Variants in LARGE1 observed in about 807,000 individuals in gnomAD.
LARGE1 encodes the protein xylosyl- and glucuronyltransferase LARGE1.
A neutral mutation model predicts 87.6 loss-of-function variants in LARGE1; 43 were observed. That is an observed-to-expected ratio of 0.49 (90% CI 0.38 to 0.63). The LOEUF (loss-of-function observed/expected upper bound fraction) is 0.63. Ranked by LOEUF, LARGE1 falls within the 30% of genes least tolerant of loss-of-function variation. The pLI is 0.00. For synonymous variants in LARGE1, 434 were observed against 394.6 expected (o/e 1.10, Z -1.18); for missense variants, 802 against 1,000.2 (o/e 0.80, Z 2.67).
At chr22:33,643,252 C>T (rs1173430961) in intron 3 of LARGE1, among the ~76,000 whole-genome samples, 1 of 152,178 alleles carries the variant, frequency 6.6e-6, no homozygotes, top group Non-Finnish European at 1.5e-5. Flanking sequence ...TCACTCAAAA[C>T]TGCACAACTA....
chr22:33,862,051 G>C (rs1333984454), intron 1 of LARGE1, among the ~76,000 whole-genome samples: 1 of 151,744 alleles, frequency 6.6e-6, no homozygotes, highest in Non-Finnish European at 1.5e-5. Context: ...AGTAGACAGA[G>C]GGTCTCACCA....
rs190243103 is a variant in LARGE1 at position 33,244,066 on chromosome 22, G to A, written c.1730+60163C>T. 1.1e-3 allele frequency among the ~76,000 whole-genome samples: 169 copies of A among 152,184 alleles called. 1 individual carries two copies. The highest frequency in any genetic ancestry group is 3.9e-3 in the African/African-American group (164 of 41,540). On this transcript the variant is annotated intron_variant, in intron 11 of 11. Coordinates refer to the LARGE1 transcript ENST00000608642. ...TGCAGTGGCGCGATCTCGGCTCACT[G>A]TAAGCTCCGCCTCCTGGGTTCATGC...
chr22:33,701,560 G>A (rs938095102), intron 2 of LARGE1, among the ~76,000 whole-genome samples: 1 of 152,180 alleles, frequency 6.6e-6, no homozygotes, highest in Non-Finnish European at 1.5e-5. Flanking sequence ...TCAGCTCTAG[G>A]TTGAGGCCCC....
chr22:33,683,082 C>T (rs67464748), intron 2 of LARGE1, among the ~76,000 whole-genome samples: 78,379 of 152,140 alleles, frequency 0.52, 21,103 homozygotes, highest in African/African-American at 0.67. Flanking sequence ...ATAAGATATA[C>T]GATGCAATCT....
At chr22:33,309,449 G>A (rs1249727521) in intron 11 of LARGE1, among the ~76,000 whole-genome samples, 1 of 152,132 alleles carries the variant, frequency 6.6e-6, no homozygotes, top group Non-Finnish European at 1.5e-5. Flanking sequence ...TTACAGGTAT[G>A]AGCCACCACA....
rs16992036 is a variant in LARGE1 at position 33,274,220 on chromosome 22, C to T, written c.*207G>A. The T allele has an allele frequency of 0.03, 19,159 of 632,362 alleles. 384 individuals are homozygous for T. Among genetic ancestry groups the T allele is most frequent in the African/African-American group, 0.049 (2,694 of 55,076 alleles). The allele number at this position is 632,362 out of a possible 1,614,324, so 39.2% of individuals were successfully genotyped here. Reference sequence around the variant, plus strand: ...TCTAGGTGGGCTGCATAGCTAACCTCTGGGAATGCAGGGTTGTGGGGCAGA... The same window carrying T: ...TCTAGGTGGGCTGCATAGCTAACCTTTGGGAATGCAGGGTTGTGGGGCAGA... On this transcript the variant is annotated 3_prime_UTR_variant, in exon 15 of 15. Transcript: ENST00000397394.
At chr22:33,451,059 G>A (rs1167785581) in intron 6 of LARGE1, among the ~76,000 whole-genome samples, 1 of 152,162 alleles carries the variant, frequency 6.6e-6, no homozygotes, top group Non-Finnish European at 1.5e-5. Flanking sequence ...CCTCTTCGGA[G>A]AGAATTCTCC....
At chr22:33,376,437 T>C (rs1428182533) in intron 9 of LARGE1, among the ~76,000 whole-genome samples, 3 of 152,200 alleles carry the variant, frequency 2.0e-5, no homozygotes, top group African/African-American at 7.2e-5. Context: ...TTTTAAGAAA[T>C]AAGTCTCGTG....
chr22:33,814,409 G>C (rs906925994), intron 1 of LARGE1, among the ~76,000 whole-genome samples: 1 of 152,158 alleles, frequency 6.6e-6, no homozygotes. Context: ...TTTCAACTTG[G>C]CTAGGCTATG....
At chr22:33,675,991 G>GAAAA (rs2081565586) in intron 2 of LARGE1, among the ~76,000 whole-genome samples, 1 of 137,198 alleles carries the variant, frequency 7.3e-6, no homozygotes, top group South Asian at 2.3e-4. Flanking sequence ...CTCTTATAAA[G>GAAAA]CCTGGAGGTT....
chr22:33,309,980 C>G (rs1423542247), intron 11 of LARGE1, among the ~76,000 whole-genome samples: 1 of 152,174 alleles, frequency 6.6e-6, no homozygotes, highest in Non-Finnish European at 1.5e-5. Context: ...AAACATCGCT[C>G]TGCCTGTTAC....
At chr22:33,546,864 G>A (rs527759924) in intron 6 of LARGE1, among the ~76,000 whole-genome samples, 3 of 152,248 alleles carry the variant, frequency 2.0e-5, no homozygotes, top group South Asian at 2.1e-4. Flanking sequence ...GATTACAGGC[G>A]TGAACCACCG....
Position 33,381,916 on chromosome 22 carries a change from T to C in LARGE1, c.1131+3A>G. On this transcript the variant is annotated splice_donor_region_variant and intron_variant, in intron 9 of 14. Transcript: ENST00000397394. ...TCCAGGGATGTCCCTGTGTTGACCC[T>C]ACCTTTAGATCAGACACGTCTCTGT... 1 of 1,614,010 alleles carries C rather than the reference T, an allele frequency of 6.2e-7. No homozygotes were observed. Among genetic ancestry groups the C allele is most frequent in the Non-Finnish European group, 8.5e-7 (1 of 1,179,972 alleles).
intron 6 of LARGE1, among the ~76,000 whole-genome samples, chr22:33,547,997 CA>C (rs1011717435): frequency 2.6e-5 from 4 of 152,000 alleles, no homozygotes; most frequent in Admixed American, 2.6e-4. Flanking sequence ...AACCCTACCC[CA>C]CCCCCCAACT....
chr22:33,331,184 T>G (rs1162262364), intron 10 of LARGE1, among the ~76,000 whole-genome samples: 1 of 152,102 alleles, frequency 6.6e-6, no homozygotes, highest in Admixed American at 6.5e-5. Context: ...TAAAACCCCA[T>G]GGCAATGGTG....
At chr22:33,262,902 GTTCT>G (rs1166216954) in intron 11 of LARGE1, among the ~76,000 whole-genome samples, 1 of 129,744 alleles carries the variant, frequency 7.7e-6, no homozygotes, top group African/African-American at 2.9e-5. Context: ...CTCCCCTTCC[GTTCT>G]TTCTTTCTTG....
chr22:33,271,222 G>A (rs979746005), downstream of LARGE1, among the ~76,000 whole-genome samples: 1 of 152,184 alleles, frequency 6.6e-6, no homozygotes, highest in Non-Finnish European at 1.5e-5. Context: ...GTCTGTCACT[G>A]TTTCATATCT....
At chr22:33,639,543 G>T (rs2080366901) in intron 3 of LARGE1, among the ~76,000 whole-genome samples, 1 of 152,126 alleles carries the variant, frequency 6.6e-6, no homozygotes, top group South Asian at 2.1e-4. Flanking sequence ...CAATTGCACT[G>T]GGAAGAACAT....
rs16992165 is a variant in LARGE1, at chr22:33,337,085, A to G, written c.1287+561T>C. On this transcript the variant is annotated intron_variant, in intron 10 of 14. Coordinates refer to ENST00000397394, the MANE Select transcript of LARGE1 (RefSeq NM_133642.5). ...AAAAAAAAAAAAAAAGTGGGTTTCT[A>G]TGAACATCAAATGAGATACAGCATA... Among the ~76,000 whole-genome samples the G allele has an allele frequency of 2.2e-4, 33 of 151,652 alleles. No individual in the cohort carries two copies. The East Asian group carries it at 6.0e-3, about 28-fold the overall frequency.
Sources: allele counts gnomAD v4.1 joint callset (sites outside exome capture counted in the v4.1 genomes callset), GRCh38; gene constraint gnomAD v4.1.1; transcripts MANE v1.5; gene names NCBI Gene and HGNC (gene_info 2026-07-23, HGNC 2026-07-21).